Variants in ABAT observed in about 807,000 individuals in gnomAD.
ABAT encodes the protein 4-aminobutyrate aminotransferase, mitochondrial.
In ABAT, 45 loss-of-function variants were observed where a neutral mutation model predicts 64.6. The ratio of observed to expected loss-of-function variants is 0.70; its 90% confidence interval spans 0.55 to 0.89. The LOEUF (loss-of-function observed/expected upper bound fraction) is 0.89, where lower values mean the gene tolerates loss of function less well. Among genes scored for constraint, ABAT ranks in the 40% least tolerant of loss-of-function variants. The pLI, the probability that ABAT is intolerant of heterozygous loss-of-function variation, is 0.00. For synonymous variants in ABAT, 297 were observed against 250.5 expected, an observed-to-expected ratio of 1.19 and a Z score of -1.75; for missense variants, 633 against 658.4, an observed-to-expected ratio of 0.96 and a Z score of 0.42.
chr16:8,727,444 C>T (rs1321364525), intron 1 of ABAT, among the ~76,000 whole-genome samples: 11 of 152,170 alleles, frequency 7.2e-5, no homozygotes, highest in Admixed American at 3.9e-4. Context: ...CTTCTGAAAT[C>T]GCCTAACTTT....
intron 1 of ABAT, among the ~76,000 whole-genome samples, chr16:8,696,970 C>A (rs758849281): frequency 2.6e-5 from 4 of 152,206 alleles, no homozygotes; most frequent in African/African-American, 4.8e-5. Flanking sequence ...ATGTAACTTA[C>A]ATTGCGCGTC....
chr16:8,710,715 A>AGC (rs1567279199), intron 1 of ABAT, among the ~76,000 whole-genome samples: 1 of 127,576 alleles, frequency 7.8e-6, no homozygotes, highest in South Asian at 2.4e-4. Context: ...AGAGAGAGAG[A>AGC]GAGAGAGAGA....
At chr16:8,749,740 G>A (rs1157456426) in intron 4 of ABAT, among the ~76,000 whole-genome samples, 1 of 151,292 alleles carries the variant, frequency 6.6e-6, no homozygotes, top group Non-Finnish European at 1.5e-5. Context: ...TTGAGATGGA[G>A]TCTCACTCTG....
rs529501886 is a variant in ABAT at position 8,699,290 on chromosome 16, G to C, written c.-42+24579G>C. 3.9e-5 allele frequency among the ~76,000 whole-genome samples: 6 copies of C among 152,188 alleles called. No individual in the cohort carries two copies. The East Asian group carries it at 1.2e-3, about 29-fold the overall frequency. On this transcript the variant is annotated intron_variant, in intron 1 of 15. Transcript: ENST00000268251. ...ATGTACAAATGGCCACTTGAGTAGTGATTACTTCATTTATTTATTTTTGCA... is the reference window on the plus strand; with the variant it reads ...ATGTACAAATGGCCACTTGAGTAGTCATTACTTCATTTATTTATTTTTGCA...
At chr16:8,743,468 A>G (rs2059233830) in intron 2 of ABAT, among the ~76,000 whole-genome samples, 1 of 110,054 alleles carries the variant, frequency 9.1e-6, no homozygotes, top group South Asian at 2.8e-4. Context: ...AATATATTAT[A>G]TAATATATAT....
At chr16:8,691,104 C>T (rs1038490852) in intron 1 of ABAT, among the ~76,000 whole-genome samples, 5 of 152,036 alleles carry the variant, frequency 3.3e-5, no homozygotes, top group African/African-American at 1.2e-4. Flanking sequence ...CTCCCTTCGT[C>T]AAACCACACT....
chr16:8,750,544 G>C lies in ABAT; in HGVS notation c.316+5G>C. The C allele has an allele frequency of 2.5e-6, 4 of 1,611,240 alleles. No homozygotes were observed. The highest frequency in any genetic ancestry group is 3.4e-6 in the Non-Finnish European group (4 of 1,177,466). On this transcript the variant is annotated splice_donor_5th_base_variant and intron_variant, in intron 5 of 15. Coordinates refer to ENST00000268251, the MANE Select transcript of ABAT (RefSeq NM_020686.6). ...AGATCTCCTCTGTCCCCATAGGTAAGAGCTGGGAAATCATTCCTTGGATAT... is the reference window on the plus strand; with the variant it reads ...AGATCTCCTCTGTCCCCATAGGTAACAGCTGGGAAATCATTCCTTGGATAT...
Position 8,711,785 on chromosome 16 carries a change from A to ATGG in ABAT, c.-41-23914_-41-23913insTGG, listed in dbSNP as rs1567279832. Among the ~76,000 whole-genome samples, 534 of 131,740 alleles carry ATGG rather than the reference A, an allele frequency of 4.1e-3. 2 individuals are homozygous for ATGG. Among genetic ancestry groups the ATGG allele is most frequent in the African/African-American group, 0.016 (481 of 30,540 alleles). The allele number at this position is 131,740 out of a possible 152,430, so 86.4% of individuals were successfully genotyped here. On this transcript the variant is annotated intron_variant, in intron 1 of 15. Coordinates refer to ENST00000268251, the MANE Select transcript of ABAT (RefSeq NM_020686.6). ...GAAGATGGATGGATGGATGGATGGG[A>ATGG]AGATGGATGGATGGATGGATGGATG...
chr16:8,711,479 A>G (rs1470331984), intron 1 of ABAT, among the ~76,000 whole-genome samples: 1 of 152,250 alleles, frequency 6.6e-6, no homozygotes, highest in Non-Finnish European at 1.5e-5. Context: ...GCTTGAACAA[A>G]TGAGTAGGCA....
intron 6 of ABAT, among the ~76,000 whole-genome samples, chr16:8,759,363 T>TAA (rs201721362): frequency 0.17 from 25,145 of 143,796 alleles, 2,150 homozygotes; most frequent in South Asian, 0.31. Flanking sequence ...TGGAACAGAG[T>TAA]AAAAAATTTT....
intron 11 of ABAT, among the ~76,000 whole-genome samples, chr16:8,770,303 A>T (rs1312763266): frequency 6.6e-6 from 1 of 151,870 alleles, no homozygotes; most frequent in Non-Finnish European, 1.5e-5. Flanking sequence ...ACACCCGGCT[A>T]ATTTTTTGTA....
chr16:8,765,687 A>G (rs1428928349), intron 8 of ABAT: 1 of 151,354 alleles, frequency 6.6e-6, no homozygotes, highest in Non-Finnish European at 1.5e-5. Context: ...AAAAACAAAA[A>G]CAGAAACGAA....
At chr16:8,697,560 C>T (rs2057730418) in intron 1 of ABAT, among the ~76,000 whole-genome samples, 1 of 152,066 alleles carries the variant, frequency 6.6e-6, no homozygotes, top group South Asian at 2.1e-4. Flanking sequence ...AGATCCAAGC[C>T]TTTGGAATCA....
At chr16:8,716,548 G>A (rs1025289678) in intron 1 of ABAT, among the ~76,000 whole-genome samples, 8 of 152,150 alleles carry the variant, frequency 5.3e-5, no homozygotes, top group African/African-American at 1.7e-4. Context: ...GATCTATATG[G>A]TCACACAGGG....
Position 8,762,557 on chromosome 16 carries a change from A to C in ABAT, c.367-1512A>C, listed in dbSNP as rs192597268. 7.9e-5 allele frequency among the ~76,000 whole-genome samples: 12 copies of C among 152,286 alleles called. No individual in the cohort carries two copies. In the East Asian group the frequency reaches 1.5e-3, roughly 20 times the overall value. ...TGTTGAGCTGACTGCAAGGGTTTAGAAAGCTATCCTCATTTGATCCTGATA... is the reference window on the plus strand; with the variant it reads ...TGTTGAGCTGACTGCAAGGGTTTAGCAAGCTATCCTCATTTGATCCTGATA... On this transcript the variant is annotated intron_variant, in intron 6 of 15. Coordinates refer to ENST00000268251, the MANE Select transcript of ABAT (RefSeq NM_020686.6).
intron 1 of ABAT, among the ~76,000 whole-genome samples, chr16:8,729,044 C>T (rs948144191): frequency 7.9e-5 from 12 of 152,166 alleles, no homozygotes; most frequent in South Asian, 2.1e-4. Context: ...CGGTGGCTCA[C>T]GCCTGTAATC....
At chr16:8,706,172 C>T (rs1019326979) in intron 1 of ABAT, among the ~76,000 whole-genome samples, 27 of 151,686 alleles carry the variant, frequency 1.8e-4, no homozygotes, top group African/African-American at 5.6e-4. Context: ...CCCTGAGAGG[C>T]TGAGGTAGGT....
chr16:8,728,540 G>A (rs997650757), intron 1 of ABAT, among the ~76,000 whole-genome samples: 2 of 131,754 alleles, frequency 1.5e-5, no homozygotes, highest in Non-Finnish European at 3.3e-5. Flanking sequence ...GCATTGAGTC[G>A]GATATCCTGG....
At chr16:8,739,008 A>ATTATGGGTAAT (rs2059078114) in intron 2 of ABAT, among the ~76,000 whole-genome samples, 1 of 152,238 alleles carries the variant, frequency 6.6e-6, no homozygotes, top group Non-Finnish European at 1.5e-5. Flanking sequence ...TAATTATGCT[A>ATTATGGGTAAT]AACTAAATCA....
Sources: allele counts gnomAD v4.1 joint callset (sites outside exome capture counted in the v4.1 genomes callset), GRCh38; gene constraint gnomAD v4.1.1; transcripts MANE v1.5; gene names NCBI Gene and HGNC (gene_info 2026-07-23, HGNC 2026-07-21).